NELL1: variants seen among roughly 807,000 people sequenced by gnomAD.
NELL1 encodes the protein neural EGFL like 1.
A neutral mutation model predicts 107.4 loss-of-function variants in NELL1; 76 were observed. The observed-to-expected ratio is 0.71, with a 90% CI of 0.59 to 0.86. NELL1 has a LOEUF of 0.86. Among genes scored for constraint, NELL1 ranks in the 40% least tolerant of loss-of-function variants. The pLI, the probability that NELL1 is intolerant of heterozygous loss-of-function variation, is 0.00. For synonymous variants in NELL1, 353 were observed against 341.2 expected (o/e 1.03, Z -0.38); for missense variants, 1,024 against 1,005.5 (o/e 1.02, Z -0.25).
chr11:21,240,600 A>T (rs1858327740), intron 14 of NELL1, among the ~76,000 whole-genome samples: 1 of 152,048 alleles, frequency 6.6e-6, no homozygotes, highest in Admixed American at 6.6e-5. Context: ...CTGTATTTTC[A>T]GTCTTGAACC....
intron 1 of NELL1, among the ~76,000 whole-genome samples, chr11:20,675,892 T>A (rs1854043338): frequency 6.6e-6 from 1 of 151,922 alleles, no homozygotes; most frequent in Non-Finnish European, 1.5e-5. Flanking sequence ...GGACCATAGG[T>A]GTACGCCACC....
intron 3 of NELL1, among the ~76,000 whole-genome samples, chr11:20,835,256 G>A (rs746269250): frequency 1.3e-5 from 2 of 152,114 alleles, no homozygotes; most frequent in Non-Finnish European, 2.9e-5. Context: ...CTATCTTTCC[G>A]TAAGTTTTTA....
chr11:20,933,034 A>C (rs1408155600), intron 9 of NELL1, among the ~76,000 whole-genome samples: 1 of 152,272 alleles, frequency 6.6e-6, no homozygotes, highest in Non-Finnish European at 1.5e-5. Context: ...AATTGCATAC[A>C]CAAAATCATG....
At chr11:20,691,464 A>C (rs1471989226) in intron 2 of NELL1, among the ~76,000 whole-genome samples, 1 of 152,002 alleles carries the variant, frequency 6.6e-6, no homozygotes, top group Non-Finnish European at 1.5e-5. Flanking sequence ...TCCCATCAAT[A>C]CCTAATTTAT....
intron 15 of NELL1, among the ~76,000 whole-genome samples, chr11:21,452,463 A>C (rs1853611801): frequency 6.6e-6 from 1 of 152,056 alleles, no homozygotes; most frequent in South Asian, 2.1e-4. Context: ...AATGTTGTTT[A>C]ATTTATTGAC....
At chr11:20,989,324 A>G (rs1851921559) in intron 12 of NELL1, among the ~76,000 whole-genome samples, 2 of 152,198 alleles carry the variant, frequency 1.3e-5, no homozygotes, top group Non-Finnish European at 2.9e-5. Flanking sequence ...GGGTATTAGC[A>G]TGTTCCCAAT....
Position 20,735,654 on chromosome 11 carries a change from CA to C in NELL1, c.185-48025del, listed in dbSNP as rs559485661. Among the ~76,000 whole-genome samples, 24 of 152,104 alleles carry C rather than the reference CA, an allele frequency of 1.6e-4. No homozygotes were observed. The East Asian group carries it at 3.7e-3, about 23-fold the overall frequency. Reference sequence around the variant, plus strand: ...GATCTTTTTGCAGCCTTGACTGGAACAGTTTCAATGGAGTGGCCAGCATGAA... The same window carrying C: ...GATCTTTTTGCAGCCTTGACTGGAACGTTTCAATGGAGTGGCCAGCATGAA... On this transcript the variant is annotated intron_variant, in intron 2 of 19. Transcript: ENST00000357134.
At chr11:20,775,467 A>G (rs748088438) in intron 2 of NELL1, among the ~76,000 whole-genome samples, 2 of 88,218 alleles carry the variant, frequency 2.3e-5, no homozygotes, top group Non-Finnish European at 4.5e-5. Flanking sequence ...ATCGTATTAT[A>G]AAAATCTTTT....
At chr11:21,427,740 C>A (rs1852861810) in intron 15 of NELL1, among the ~76,000 whole-genome samples, 2 of 152,134 alleles carry the variant, frequency 1.3e-5, no homozygotes. Context: ...ATGTTGGTTT[C>A]TTTTCCTGTT....
chr11:20,856,118 T>C (rs574045526), intron 4 of NELL1, among the ~76,000 whole-genome samples: 5 of 152,330 alleles, frequency 3.3e-5, no homozygotes, highest in Non-Finnish European at 7.3e-5. Context: ...TATATTGGGG[T>C]TAGGATGTGA....
intron 14 of NELL1, among the ~76,000 whole-genome samples, chr11:21,251,086 A>C (rs1858626077): frequency 1.3e-5 from 2 of 152,164 alleles, no homozygotes; most frequent in Admixed American, 1.3e-4. Flanking sequence ...CATATATAAA[A>C]AAGCATTATC....
At chr11:20,758,596 T>G (rs1856349787) in intron 2 of NELL1, among the ~76,000 whole-genome samples, 1 of 152,172 alleles carries the variant, frequency 6.6e-6, no homozygotes, top group Non-Finnish European at 1.5e-5. Flanking sequence ...TCAGAGTTAT[T>G]GTAGAGAGAA....
chr11:21,558,944 A>T (rs531079402), intron 16 of NELL1, among the ~76,000 whole-genome samples: 3 of 152,218 alleles, frequency 2.0e-5, no homozygotes, highest in Non-Finnish European at 2.9e-5. Flanking sequence ...ATGACTAGTA[A>T]CAGTGAGGAG....
At chr11:21,546,813 TG>T (rs370987459) in intron 16 of NELL1, among the ~76,000 whole-genome samples, 98 of 152,136 alleles carry the variant, frequency 6.4e-4, no homozygotes, top group African/African-American at 2.2e-3. Flanking sequence ...AATAGTTTTT[TG>T]TTCTTACCCT....
intron 2 of NELL1, among the ~76,000 whole-genome samples, chr11:20,733,684 A>G (rs563350383): frequency 6.6e-6 from 1 of 152,226 alleles, no homozygotes; most frequent in African/African-American, 2.4e-5. Context: ...TTCCCTTATG[A>G]AGGTTGCATA....
intron 13 of NELL1, among the ~76,000 whole-genome samples, chr11:21,220,711 T>TAA (rs1296071500): frequency 6.6e-6 from 1 of 152,190 alleles, no homozygotes; most frequent in Non-Finnish European, 1.5e-5. Context: ...TTTTATGTGT[T>TAA]AATTTTGTAT....
chr11:21,050,985 A>G (rs1425447516), intron 12 of NELL1, among the ~76,000 whole-genome samples: 1 of 152,052 alleles, frequency 6.6e-6, no homozygotes, highest in East Asian at 1.9e-4. Flanking sequence ...CCTCATATAG[A>G]CACCTTTCTC....
rs200420424 is a variant in NELL1, at chr11:21,457,062, A to G, written c.1646-77312A>G. Among the ~76,000 whole-genome samples, 3 of 152,328 alleles carry G rather than the reference A, an allele frequency of 2.0e-5. No individual in the cohort carries two copies. In the East Asian group the frequency reaches 5.8e-4, roughly 29 times the overall value. On this transcript the variant is annotated intron_variant, in intron 15 of 19. Coordinates refer to ENST00000357134, the MANE Select transcript of NELL1 (RefSeq NM_006157.5). The stretch of plus-strand genomic sequence containing the variant: ...CAATATAGCTGAGGAAAATGTGTAA[A>G]TAAATAAATTTAAAGAAGTCTTCTA...
chr11:21,250,353 C>T (rs1304609550), intron 14 of NELL1, among the ~76,000 whole-genome samples: 1 of 152,126 alleles, frequency 6.6e-6, no homozygotes, highest in Non-Finnish European at 1.5e-5. Flanking sequence ...CCTCTCCACT[C>T]CACTCGGGGG....
Sources: gnomAD v4.1 joint callset for allele counts (sites outside exome capture counted in the v4.1 genomes callset) on GRCh38, gnomAD v4.1.1 for gene constraint, MANE v1.5 for transcripts, NCBI Gene and HGNC (gene_info 2026-07-23, HGNC 2026-07-21) for gene names.